ZNF804A: variants seen among roughly 807,000 people sequenced by gnomAD.
ZNF804A encodes zinc finger protein 804A.
In ZNF804A, 2 loss-of-function variants were observed where a neutral mutation model predicts 16.5. That is an observed-to-expected ratio of 0.12 (90% CI 0.05 to 0.38). The LOEUF is 0.38. Ranked by LOEUF, ZNF804A falls within the 10% of genes least tolerant of loss-of-function variation. The pLI, the probability that ZNF804A is intolerant of heterozygous loss-of-function variation, is 0.99. For synonymous variants in ZNF804A, 534 were observed against 489.6 expected, an observed-to-expected ratio of 1.09 and a Z score of -1.20; for missense variants, 1,473 against 1,390.7, an observed-to-expected ratio of 1.06 and a Z score of -0.94.
chr2:184,909,404 T>C (rs1021086072), intron 2 of ZNF804A, among the ~76,000 whole-genome samples: 3 of 152,052 alleles, frequency 2.0e-5, no homozygotes, highest in Admixed American at 6.6e-5. Flanking sequence ...ATAAATCCAA[T>C]TGACAAACTA....
chr2:184,749,378 G>T (rs899102264), intron 1 of ZNF804A, among the ~76,000 whole-genome samples: 9 of 151,210 alleles, frequency 6.0e-5, no homozygotes, highest in African/African-American at 2.2e-4. Context: ...CCTTCAGCTT[G>T]GATGTTATTG....
intron 1 of ZNF804A, among the ~76,000 whole-genome samples, chr2:184,711,763 A>C (rs1396771978): frequency 6.6e-6 from 1 of 151,354 alleles, no homozygotes; most frequent in Non-Finnish European, 1.5e-5. Context: ...TGTTATTGGC[A>C]CCCTTGTCAA....
intron 1 of ZNF804A, among the ~76,000 whole-genome samples, chr2:184,823,836 A>T (rs187172136): frequency 2.6e-5 from 4 of 152,168 alleles, no homozygotes; most frequent in Non-Finnish European, 5.9e-5. Context: ...GGGAAATTAC[A>T]TCCTGAAATG....
chr2:184,805,140 G>T (rs1389067863), intron 1 of ZNF804A, among the ~76,000 whole-genome samples: 1 of 152,100 alleles, frequency 6.6e-6, no homozygotes, highest in African/African-American at 2.4e-5. Context: ...AAAAGCTTAA[G>T]TTCCTTGAAT....
chr2:184,778,145 G>T (rs576038432), intron 1 of ZNF804A, among the ~76,000 whole-genome samples: 1 of 151,642 alleles, frequency 6.6e-6, no homozygotes, highest in South Asian at 2.1e-4. Context: ...CTCCTGTTAT[G>T]TCTGATAATT....
At chr2:184,719,339 G>A (rs762125407) in intron 1 of ZNF804A, among the ~76,000 whole-genome samples, 29 of 151,996 alleles carry the variant, frequency 1.9e-4, no homozygotes, top group Admixed American at 1.6e-3. Flanking sequence ...TGCCACAAAG[G>A]TCTCTGACAT....
intron 1 of ZNF804A, among the ~76,000 whole-genome samples, chr2:184,837,223 G>A (rs11902898): frequency 0.064 from 9,748 of 151,936 alleles, 1,041 homozygotes; most frequent in African/African-American, 0.22. Context: ...AGAAACATGC[G>A]TCCTTATTAT....
At chr2:184,647,396 CA>C (rs1691895999) in intron 1 of ZNF804A, among the ~76,000 whole-genome samples, 1 of 152,136 alleles carries the variant, frequency 6.6e-6, no homozygotes, top group Admixed American at 6.5e-5. Flanking sequence ...GGTCCCTAAC[CA>C]AAATGGAAAC....
intron 2 of ZNF804A, among the ~76,000 whole-genome samples, chr2:184,915,584 T>TA (rs1339770240): frequency 1.3e-5 from 2 of 152,118 alleles, no homozygotes; most frequent in African/African-American, 2.4e-5. Flanking sequence ...CATGAGCACT[T>TA]ACAATGCATG....
intron 1 of ZNF804A, among the ~76,000 whole-genome samples, chr2:184,761,612 C>T (rs1694037464): frequency 6.6e-6 from 1 of 152,050 alleles, no homozygotes; most frequent in South Asian, 2.1e-4. Context: ...GTGCCAGTCA[C>T]TGTGCAATGG....
chr2:184,606,364 T>G (rs1691145664), intron 1 of ZNF804A, among the ~76,000 whole-genome samples: 1 of 152,106 alleles, frequency 6.6e-6, no homozygotes, highest in Admixed American at 6.5e-5. Flanking sequence ...AAATGCCAGA[T>G]GCGTATACAA....
intron 1 of ZNF804A, among the ~76,000 whole-genome samples, chr2:184,780,364 C>A (rs538943017): frequency 6.6e-6 from 1 of 151,694 alleles, no homozygotes; most frequent in Non-Finnish European, 1.5e-5. Context: ...TTATATGCTA[C>A]GTTTTAAACT....
At chr2:184,668,862 T>C (rs1377824303) in intron 1 of ZNF804A, among the ~76,000 whole-genome samples, 2 of 151,998 alleles carry the variant, frequency 1.3e-5, no homozygotes, top group African/African-American at 4.8e-5. Context: ...TTGTAAATAG[T>C]ATTGCCCGAG....
chr2:184,895,897 T>C (rs1685057370), intron 2 of ZNF804A, among the ~76,000 whole-genome samples: 1 of 152,208 alleles, frequency 6.6e-6, no homozygotes, highest in Non-Finnish European at 1.5e-5. Flanking sequence ...GCATTGACTT[T>C]CATTTTAAAA....
At chr2:184,667,275 T>C (rs1692268818) in intron 1 of ZNF804A, among the ~76,000 whole-genome samples, 1 of 151,954 alleles carries the variant, frequency 6.6e-6, no homozygotes, top group African/African-American at 2.4e-5. Context: ...TCTTTTAAGA[T>C]TCAGATCTCT....
chr2:184,753,632 T>C (rs917201227), intron 1 of ZNF804A, among the ~76,000 whole-genome samples: 1 of 151,802 alleles, frequency 6.6e-6, no homozygotes, highest in Non-Finnish European at 1.5e-5. Context: ...GCAGTAAAAA[T>C]GTGTTGTGGA....
At chr2:184,795,571 T>A (rs1260159196) in intron 1 of ZNF804A, among the ~76,000 whole-genome samples, 1 of 151,290 alleles carries the variant, frequency 6.6e-6, no homozygotes, top group Non-Finnish European at 1.5e-5. Context: ...ATAACCAGGA[T>A]CAGAGTAGAA....
At chr2:184,749,890 C>T (rs1189171482) in intron 1 of ZNF804A, among the ~76,000 whole-genome samples, 1 of 151,170 alleles carries the variant, frequency 6.6e-6, no homozygotes, top group African/African-American at 2.4e-5. Context: ...CTAACTATTA[C>T]AAAAGATTTA....
rs77166197 is a variant in ZNF804A at position 184,765,167 on chromosome 2, G to C, written c.112-101202G>C. Among the ~76,000 whole-genome samples, 24 of 152,178 alleles carry C rather than the reference G, an allele frequency of 1.6e-4. No homozygotes were observed. In the East Asian group the frequency reaches 4.5e-3, roughly 28 times the overall value. On this transcript the variant is annotated intron_variant, in intron 1 of 3. Transcript: ENST00000302277. ...GTGACATTGTTTTCTGAATTGTTTT[G>C]TAGAGAGCCATGTAACTACTGTGGG...
Sources: allele counts gnomAD v4.1 joint callset (sites outside exome capture counted in the v4.1 genomes callset), GRCh38; gene constraint gnomAD v4.1.1; transcripts MANE v1.5; gene names NCBI Gene and HGNC (gene_info 2026-07-23, HGNC 2026-07-21).